Variants in AGPAT3 observed in about 807,000 individuals in gnomAD.
AGPAT3 encodes 1-acyl-sn-glycerol-3-phosphate acyltransferase gamma.
A neutral mutation model predicts 47.3 loss-of-function variants in AGPAT3; 5 were observed. The observed-to-expected ratio is 0.11, with a 90% CI of 0.06 to 0.22. The LOEUF is 0.22. Among genes scored for constraint, AGPAT3 ranks in the 10% least tolerant of loss-of-function variants. The pLI, the probability that AGPAT3 is intolerant of heterozygous loss-of-function variation, is 1.00. For synonymous variants in AGPAT3, 212 were observed against 208.3 expected (o/e 1.02, Z -0.15); for missense variants, 315 against 493.0 (o/e 0.64, Z 3.42).
At chr21:43,913,577 C>A (rs2086669883) in intron 2 of AGPAT3, among the ~76,000 whole-genome samples, 2 of 152,146 alleles carry the variant, frequency 1.3e-5, no homozygotes, top group South Asian at 2.1e-4. Flanking sequence ...CAGAGCGAGA[C>A]CCTGTCTCAA....
chr21:43,896,943 G>GTTTTTTTTTTTTTTTTTTT (rs61657564), intron 1 of AGPAT3, among the ~76,000 whole-genome samples: 5 of 42,322 alleles, frequency 1.2e-4, no homozygotes, highest in Non-Finnish European at 2.2e-4. Context: ...TTGACAGTCC[G>GTTTTTTTTTTTTTTTTTTT]TTTTTTTTTT....
intron 1 of AGPAT3, among the ~76,000 whole-genome samples, chr21:43,892,786 C>T (rs1033435985): frequency 2.0e-5 from 3 of 152,130 alleles, no homozygotes; most frequent in Admixed American, 6.5e-5. Flanking sequence ...CAGGCTGTTT[C>T]GTCTACATCA....
chr21:43,878,888 A>C (rs1014485829), intron 1 of AGPAT3, among the ~76,000 whole-genome samples: 1 of 152,034 alleles, frequency 6.6e-6, no homozygotes, highest in Non-Finnish European at 1.5e-5. Context: ...TTGAAGTTGC[A>C]CGCCACCACA....
At chr21:43,877,101 C>T (rs751450988) in intron 1 of AGPAT3, among the ~76,000 whole-genome samples, 28 of 152,156 alleles carry the variant, frequency 1.8e-4, no homozygotes, top group Non-Finnish European at 3.1e-4. Flanking sequence ...TCAGGGGATC[C>T]GCTTGCCTTG....
At chr21:43,879,036 G>C (rs2085795658) in intron 1 of AGPAT3, among the ~76,000 whole-genome samples, 1 of 152,098 alleles carries the variant, frequency 6.6e-6, no homozygotes, top group Non-Finnish European at 1.5e-5. Flanking sequence ...CACCACGCTT[G>C]GCTTGTCTTC....
chr21:43,919,031 AGTTT>A (rs753521026), intron 2 of AGPAT3, among the ~76,000 whole-genome samples: 1 of 151,982 alleles, frequency 6.6e-6, no homozygotes, highest in Admixed American at 6.6e-5. Context: ...GACTGGGTGA[AGTTT>A]GTTTTTATTT....
In AGPAT3 at chr21:43,880,698, T is replaced by A. The variant is rs761710275; in HGVS notation, c.-112+15353T>A. ...TTCACAATGATTTTGCCAATTACCC[T>A]TGTTATTTCCACTCACATATATCTC... On this transcript the variant is annotated intron_variant, in intron 1 of 9. Coordinates refer to ENST00000291572, the MANE Select transcript of AGPAT3 (RefSeq NM_020132.5). The surrounding 1 kb of genome is among the most constrained non-coding windows in gnomAD (Gnocchi z 4.5). 6.6e-6 allele frequency among the ~76,000 whole-genome samples: 1 copy of A among 152,228 alleles called. No individual in the cohort carries two copies. The highest frequency in any genetic ancestry group is 1.5e-5 in the Non-Finnish European group (1 of 68,030).
intron 4 of AGPAT3, among the ~76,000 whole-genome samples, chr21:43,968,666 T>C (rs2146748915): frequency 6.6e-6 from 1 of 152,142 alleles, no homozygotes; most frequent in South Asian, 2.1e-4. Context: ...GCCTCAGCTG[T>C]CCCCGAGCTG....
intron 2 of AGPAT3, among the ~76,000 whole-genome samples, chr21:43,938,670 C>T (rs1049569479): frequency 6.6e-6 from 1 of 152,188 alleles, no homozygotes; most frequent in Non-Finnish European, 1.5e-5. Context: ...AAATGGTGCG[C>T]CTCATATTGA....
intron 1 of AGPAT3, among the ~76,000 whole-genome samples, chr21:43,881,652 AT>A (rs2085855725): frequency 6.6e-6 from 1 of 152,212 alleles, no homozygotes; most frequent in African/African-American, 2.4e-5. Flanking sequence ...GTTAAATAAA[AT>A]GTATTATTAA....
At chr21:43,892,327 A>T (rs2145937731) in intron 1 of AGPAT3, among the ~76,000 whole-genome samples, 1 of 152,256 alleles carries the variant, frequency 6.6e-6, no homozygotes, top group Admixed American at 6.5e-5. Context: ...AAAGAAAAAA[A>T]AAGAAATTAC....
chr21:43,877,114 C>T (rs1219343136), intron 1 of AGPAT3, among the ~76,000 whole-genome samples: 1 of 152,138 alleles, frequency 6.6e-6, no homozygotes, highest in Non-Finnish European at 1.5e-5. Flanking sequence ...TTGCCTTGGC[C>T]TCCCGAAGTG....
At chr21:43,957,669 C>T (rs1281700773) in intron 2 of AGPAT3, among the ~76,000 whole-genome samples, 3 of 146,596 alleles carry the variant, frequency 2.0e-5, no homozygotes, top group Non-Finnish European at 1.5e-5. Context: ...ACGGGGGTCT[C>T]GGGTTTCCCC....
chr21:43,893,958 T>C (rs764398079), intron 1 of AGPAT3, among the ~76,000 whole-genome samples: 1 of 152,166 alleles, frequency 6.6e-6, no homozygotes, highest in Non-Finnish European at 1.5e-5. Context: ...AGTGAGCACT[T>C]GATGTTGGAA....
Position 43,971,373 on chromosome 21 carries a change from C to T in AGPAT3, c.665-15C>T, listed in dbSNP as rs745559649. 4.7e-5 allele frequency: 76 copies of T among 1,612,146 alleles called. 1 individual carries two copies. The highest frequency in any genetic ancestry group is 4.5e-5 in the East Asian group (2 of 44,886). ...GCCTGGGCTGGGTCATTCACCCTCCCGTCTCCTCCCACAGTCGCAGCTGTC... is the reference window on the plus strand; with the variant it reads ...GCCTGGGCTGGGTCATTCACCCTCCTGTCTCCTCCCACAGTCGCAGCTGTC... On this transcript the variant is annotated splice_polypyrimidine_tract_variant and intron_variant, in intron 6 of 9. Transcript: ENST00000291572.
In AGPAT3 at chr21:43,970,646, A is replaced by G. The variant is rs752567025; in HGVS notation, c.511-7A>G. ...GTGGAGTGACCCTGTCTCCGTGTTG[A>G]TCCTAGTTTCTCCTGTACTGCGAGG... On this transcript the variant is annotated splice_polypyrimidine_tract_variant and splice_region_variant and intron_variant, in intron 5 of 9. Transcript: ENST00000291572. The surrounding 1 kb of genome is among the most constrained non-coding windows in gnomAD (Gnocchi z 5.8). 6.2e-7 allele frequency: 1 copy of G among 1,613,384 alleles called. No individual in the cohort carries two copies. Among genetic ancestry groups the G allele is most frequent in the Non-Finnish European group, 8.5e-7 (1 of 1,179,656 alleles).
chr21:43,886,350 T>G (rs2085978130), intron 1 of AGPAT3, among the ~76,000 whole-genome samples: 2 of 152,016 alleles, frequency 1.3e-5, no homozygotes, highest in Non-Finnish European at 2.9e-5. Context: ...GCCTCCCGGG[T>G]TCAAGTGATT....
intron 1 of AGPAT3, among the ~76,000 whole-genome samples, chr21:43,882,067 C>A (rs2085865186): frequency 6.6e-6 from 1 of 152,278 alleles, no homozygotes. Flanking sequence ...GCCATGTTGG[C>A]GTGGTCCAGG....
intron 2 of AGPAT3, among the ~76,000 whole-genome samples, chr21:43,921,794 T>C (rs1421947194): frequency 6.6e-6 from 1 of 150,896 alleles, no homozygotes; most frequent in Non-Finnish European, 1.5e-5. Flanking sequence ...TCTGAGCTCT[T>C]TTTTTTTTCC....
Sources: gnomAD v4.1 joint callset for allele counts (sites outside exome capture counted in the v4.1 genomes callset) on GRCh38, gnomAD v4.1.1 for gene constraint, Gnocchi (gnomAD v3.1) non-coding constraint, MANE v1.5 for transcripts, NCBI Gene and HGNC (gene_info 2026-07-23, HGNC 2026-07-21) for gene names.